The following DNAAF9 variants were observed in gnomAD, a reference collection of about 807,000 sequenced individuals.
The protein encoded by DNAAF9 is dynein axonemal assembly factor 9.
DNAAF9 carries 90 observed loss-of-function variants against 167.0 expected under a neutral mutation model. That is an observed-to-expected ratio of 0.54 (90% CI 0.45 to 0.64). The LOEUF (loss-of-function observed/expected upper bound fraction) is 0.64, where lower values mean the gene tolerates loss of function less well. DNAAF9 is among the 30% of genes least tolerant of loss of function. The pLI, the probability that DNAAF9 is intolerant of heterozygous loss-of-function variation, is 0.00. For synonymous variants in DNAAF9, 491 were observed against 508.8 expected (o/e 0.96, Z 0.47); for missense variants, 1,315 against 1,442.2 (o/e 0.91, Z 1.43).
rs2068187772 is a variant in DNAAF9, at chr20:3,251,142, T to G, written c.*1430A>C. 1 of 142,148 alleles carries G rather than the reference T, an allele frequency of 7.0e-6. No homozygotes were observed. The highest frequency in any genetic ancestry group is 1.6e-5 in the Non-Finnish European group (1 of 64,482). The allele number at this position is 142,148 out of a possible 1,614,324, so 8.8% of individuals were successfully genotyped here. A position where few individuals can be genotyped will look rare whatever the true frequency, so the allele number is the denominator to read the frequency against. The stretch of plus-strand genomic sequence containing the variant: ...GTTTTGTTCATTTGGCTTCAAATTG[T>G]TTTTTTTTTTTTTCTAATATATTTT... On this transcript the variant is annotated 3_prime_UTR_variant, in exon 37 of 37. Coordinates refer to ENST00000252032, the MANE Select transcript of DNAAF9 (RefSeq NM_001009984.3).
chr20:3,348,269 GGTGCCCA>G (rs2070236210), intron 8 of DNAAF9, among the ~76,000 whole-genome samples: 1 of 151,936 alleles, frequency 6.6e-6, no homozygotes, highest in African/African-American at 2.4e-5. Flanking sequence ...TCTATTAACT[GGTGCCCA>G]GTAGAATTCC....
chr20:3,305,062 A>G (rs1344403950), intron 20 of DNAAF9, among the ~76,000 whole-genome samples: 1 of 152,170 alleles, frequency 6.6e-6, no homozygotes, highest in Non-Finnish European at 1.5e-5. Context: ...AGTTCTACAG[A>G]CACTGGGGGG....
intron 7 of DNAAF9, among the ~76,000 whole-genome samples, chr20:3,354,464 G>C (rs1207901536): frequency 6.6e-6 from 1 of 152,262 alleles, no homozygotes; most frequent in Non-Finnish European, 1.5e-5. Context: ...GCATCCAGCA[G>C]AGGCAGCTCT....
intron 20 of DNAAF9, among the ~76,000 whole-genome samples, chr20:3,314,683 T>C (rs2123028119): frequency 6.6e-6 from 1 of 152,250 alleles, no homozygotes; most frequent in Non-Finnish European, 1.5e-5. Flanking sequence ...GGGTGTTGTT[T>C]TAAGCTACTA....
intron 27 of DNAAF9, among the ~76,000 whole-genome samples, chr20:3,286,868 T>C (rs764142825): frequency 6.6e-6 from 1 of 152,216 alleles, no homozygotes; most frequent in African/African-American, 2.4e-5. Flanking sequence ...AAAGCTTCTT[T>C]ATTACCACCA....
chr20:3,348,036 GA>G (rs2070230972), intron 8 of DNAAF9, among the ~76,000 whole-genome samples: 1 of 152,216 alleles, frequency 6.6e-6, no homozygotes, highest in Non-Finnish European at 1.5e-5. Flanking sequence ...GAGTGCCCAA[GA>G]AGGCTAGAAT....
At chr20:3,269,753 G>A (rs1423264222) in intron 30 of DNAAF9, among the ~76,000 whole-genome samples, 1 of 152,022 alleles carries the variant, frequency 6.6e-6, no homozygotes, top group Non-Finnish European at 1.5e-5. Context: ...AGGAGATTGA[G>A]ACCATCCTGG....
At chr20:3,269,659 A>G (rs1424504978) in intron 30 of DNAAF9, among the ~76,000 whole-genome samples, 1 of 152,166 alleles carries the variant, frequency 6.6e-6, no homozygotes, top group African/African-American at 2.4e-5. Context: ...TTTACAGAGC[A>G]TCTAAAGCAC....
chr20:3,334,833 C>T (rs942283033), intron 10 of DNAAF9, among the ~76,000 whole-genome samples: 4 of 152,260 alleles, frequency 2.6e-5, no homozygotes, highest in South Asian at 2.1e-4. Flanking sequence ...AAGAAATTCA[C>T]GACTCAGAAG....
chr20:3,387,729 A>C (rs6037587), intron 1 of DNAAF9, among the ~76,000 whole-genome samples: 1 of 151,630 alleles, frequency 6.6e-6, no homozygotes, highest in Non-Finnish European at 1.5e-5. Flanking sequence ...AACAACCATC[A>C]CCAAAAATTC....
intron 21 of DNAAF9, among the ~76,000 whole-genome samples, chr20:3,299,081 A>G (rs1253772368): frequency 1.3e-5 from 2 of 150,966 alleles, no homozygotes; most frequent in Non-Finnish European, 3.0e-5. Context: ...GCTAATGCTT[A>G]TATTTTCAGT....
At chr20:3,390,762 G>A (rs530788389) in intron 1 of DNAAF9, among the ~76,000 whole-genome samples, 35 of 152,274 alleles carry the variant, frequency 2.3e-4, no homozygotes, top group South Asian at 1.0e-3. Context: ...ACAGCAAGAC[G>A]ATCAAGATTA....
At chr20:3,381,994 T>C (rs532149530) in intron 2 of DNAAF9, among the ~76,000 whole-genome samples, 28 of 152,288 alleles carry the variant, frequency 1.8e-4, no homozygotes, top group African/African-American at 6.7e-4. Context: ...GTGGTGAACA[T>C]GCCTGCAAAT....
chr20:3,359,820 G>A (rs1056024771), intron 6 of DNAAF9, among the ~76,000 whole-genome samples: 1 of 152,026 alleles, frequency 6.6e-6, no homozygotes, highest in African/African-American at 2.4e-5. Flanking sequence ...TCAATAATGG[G>A]CACATATATA....
chr20:3,331,801 G>A (rs1269444577), intron 11 of DNAAF9, among the ~76,000 whole-genome samples: 1 of 152,180 alleles, frequency 6.6e-6, no homozygotes, highest in East Asian at 1.9e-4. Flanking sequence ...AGCCTCCTGA[G>A]TAGCTAGGAC....
intron 30 of DNAAF9, among the ~76,000 whole-genome samples, chr20:3,265,253 G>T (rs577895537): frequency 9.7e-4 from 147 of 152,052 alleles, no homozygotes; most frequent in Non-Finnish European, 1.8e-3. Context: ...GTGGGGGAGG[G>T]TCCACGATCC....
At chr20:3,340,056 A>G (rs560254031) in intron 10 of DNAAF9, among the ~76,000 whole-genome samples, 33 of 152,346 alleles carry the variant, frequency 2.2e-4, no homozygotes, top group South Asian at 6.2e-4. Flanking sequence ...GTAGCAGACA[A>G]TCTGCCACCA....
chr20:3,302,667 TG>T (rs2069211714), intron 21 of DNAAF9, among the ~76,000 whole-genome samples: 3 of 152,208 alleles, frequency 2.0e-5, no homozygotes, highest in African/African-American at 7.2e-5. Context: ...CTATGTTGAG[TG>T]GAAAATGTCA....
chr20:3,394,949 C>CTTTTTTTTTTTTTTTTT lies in DNAAF9; in HGVS notation c.84-12460_84-12444dup, dbSNP rs10522445. On this transcript the variant is annotated intron_variant, in intron 1 of 36. Coordinates refer to ENST00000252032, the MANE Select transcript of DNAAF9 (RefSeq NM_001009984.3). ...GCTTTTACTGAACATTTTCTTTTTTCTTTTTTTTTTTTTTTTTTTTTTTTT... is the reference window on the plus strand; with the variant it reads ...GCTTTTACTGAACATTTTCTTTTTTCTTTTTTTTTTTTTTTTTTTTTTTTTTTTTTTTTTTTTTTTTT... 2.8e-4 allele frequency among the ~76,000 whole-genome samples: 29 copies of CTTTTTTTTTTTTTTTTT among 102,128 alleles called. 1 individual carries two copies. Among genetic ancestry groups the CTTTTTTTTTTTTTTTTT allele is most frequent in the Non-Finnish European group, 4.2e-4 (22 of 52,764 alleles). 67.0% of individuals were successfully genotyped at this position (102,128 alleles called of 152,430 possible).
Sources: gnomAD v4.1 joint callset for allele counts (sites outside exome capture counted in the v4.1 genomes callset) on GRCh38, gnomAD v4.1.1 for gene constraint, MANE v1.5 for transcripts, NCBI Gene and HGNC (gene_info 2026-07-23, HGNC 2026-07-21) for gene names.